Variants in LINGO2 observed in about 807,000 individuals in gnomAD.
LINGO2 encodes leucine-rich repeat and immunoglobulin-like domain-containing nogo receptor-interacting protein 2.
Under a neutral mutation model 30.6 loss-of-function variants are expected in LINGO2, and 14 were observed. That is an observed-to-expected ratio of 0.46 (90% CI 0.30 to 0.72). The LOEUF (loss-of-function observed/expected upper bound fraction) is 0.72. Ranked by LOEUF, LINGO2 falls within the 30% of genes least tolerant of loss-of-function variation. The probability of loss-of-function intolerance (pLI) is 0.07; values close to 1 mark genes in which losing one functional copy is unlikely to be tolerated. For synonymous variants in LINGO2, 317 were observed against 288.5 expected (o/e 1.10, Z -1.00); for missense variants, 729 against 751.7 (o/e 0.97, Z 0.35).
the LINGO2 span, among the ~76,000 whole-genome samples, chr9:28,757,809 C>T: frequency 1.3e-5 from 2 of 152,086 alleles, no homozygotes; most frequent in African/African-American, 2.4e-5. Flanking sequence ...GAGGCCACAA[C>T]CTCCCAAGAC....
intron 4 of LINGO2, among the ~76,000 whole-genome samples, chr9:28,185,396 T>C (rs1819506206): frequency 6.6e-6 from 1 of 152,156 alleles, no homozygotes; most frequent in Admixed American, 6.6e-5. Context: ...TCCTAGAATA[T>C]TCATTCTGCA....
At chr9:28,134,641 A>C (rs1827466689) in intron 4 of LINGO2, among the ~76,000 whole-genome samples, 1 of 152,212 alleles carries the variant, frequency 6.6e-6, no homozygotes, top group African/African-American at 2.4e-5. Flanking sequence ...GTGAAAGTTA[A>C]AGCTGCTGCT....
chr9:29,142,472 A>G, the LINGO2 span, among the ~76,000 whole-genome samples: 2 of 151,838 alleles, frequency 1.3e-5, no homozygotes, highest in African/African-American at 4.8e-5. Flanking sequence ...CTAAATAAAC[A>G]ACTTAACTTT....
chr9:29,047,051 A>AAAAAAAAAC, the LINGO2 span, among the ~76,000 whole-genome samples: 24 of 106,976 alleles, frequency 2.2e-4, 1 homozygote, highest in Non-Finnish European at 3.6e-4. Flanking sequence ...AAAAAAAAAA[A>AAAAAAAAAC]CCAAAAACAA....
At chr9:28,680,535 A>G in the LINGO2 span, among the ~76,000 whole-genome samples, 1 of 152,168 alleles carries the variant, frequency 6.6e-6, no homozygotes, top group Non-Finnish European at 1.5e-5. Flanking sequence ...ATAAACCATC[A>G]TACTGTATTC....
At chr9:29,053,731 T>C in the LINGO2 span, among the ~76,000 whole-genome samples, 7 of 152,284 alleles carry the variant, frequency 4.6e-5, no homozygotes, top group Middle Eastern at 3.4e-3. Context: ...TTGGTTTTCA[T>C]TTTTGTCAAT....
At chr9:28,857,495 G>T in the LINGO2 span, among the ~76,000 whole-genome samples, 10 of 152,144 alleles carry the variant, frequency 6.6e-5, 1 homozygote, top group East Asian at 1.9e-3. Flanking sequence ...TTAAGTGGTA[G>T]AACTCCGCCT....
chr9:28,073,690 C>A (rs1417472104), intron 4 of LINGO2, among the ~76,000 whole-genome samples: 1 of 152,166 alleles, frequency 6.6e-6, no homozygotes, highest in Non-Finnish European at 1.5e-5. Flanking sequence ...ATTTCTTTAT[C>A]TCTGAGTTTT....
In LINGO2 at chr9:28,292,885, C is replaced by G. The variant is rs142439949; in HGVS notation, c.-87+2323G>C. Among the ~76,000 whole-genome samples, 433 of 152,120 alleles carry G rather than the reference C, an allele frequency of 2.8e-3. 3 individuals are homozygous for G. Among genetic ancestry groups the G allele is most frequent in the African/African-American group, 0.01 (415 of 41,488 alleles). On this transcript the variant is annotated intron_variant, in intron 4 of 5. Coordinates refer to ENST00000379992, the Ensembl canonical transcript of LINGO2. ...TCCCGGGTTCATGCCATTCTCCTGTCTCAGCCTCCTGAGTAGCTGGGACTA... is the reference window on the plus strand; with the variant it reads ...TCCCGGGTTCATGCCATTCTCCTGTGTCAGCCTCCTGAGTAGCTGGGACTA...
chr9:29,125,094 G>A, the LINGO2 span, among the ~76,000 whole-genome samples: 1 of 152,100 alleles, frequency 6.6e-6, no homozygotes, highest in Admixed American at 6.6e-5. Context: ...AAAAGAATGA[G>A]TTCATGTCTT....
At chr9:28,640,588 A>G (rs1827524931) in intron 1 of LINGO2, among the ~76,000 whole-genome samples, 1 of 148,954 alleles carries the variant, frequency 6.7e-6, no homozygotes. Flanking sequence ...ATCTTCCATC[A>G]TTGATACCCT....
At chr9:28,104,100 C>T (rs1048173388) in intron 4 of LINGO2, among the ~76,000 whole-genome samples, 1 of 151,910 alleles carries the variant, frequency 6.6e-6, no homozygotes, top group African/African-American at 2.4e-5. Flanking sequence ...GCATCCAGCA[C>T]ATATTATGTA....
chr9:28,824,942 C>A, the LINGO2 span, among the ~76,000 whole-genome samples: 1 of 152,040 alleles, frequency 6.6e-6, no homozygotes, highest in Non-Finnish European at 1.5e-5. Context: ...AAAATAAAAT[C>A]TTCTTAATGA....
chr9:28,136,803 G>C (rs1215266175), intron 4 of LINGO2, among the ~76,000 whole-genome samples: 1 of 152,124 alleles, frequency 6.6e-6, no homozygotes, highest in Non-Finnish European at 1.5e-5. Flanking sequence ...GGGTGTGTTC[G>C]TGAGGGTGTT....
At chr9:28,516,995 G>C (rs1350263071) in intron 1 of LINGO2, among the ~76,000 whole-genome samples, 2 of 152,152 alleles carry the variant, frequency 1.3e-5, no homozygotes, top group Non-Finnish European at 2.9e-5. Context: ...TGGATCTGTG[G>C]CAATACATAC....
chr9:28,374,245 G>A lies in LINGO2; in HGVS notation c.-278-1377C>T, dbSNP rs963971498. Among the ~76,000 whole-genome samples, 4 of 146,680 alleles carry A rather than the reference G, an allele frequency of 2.7e-5. No individual in the cohort carries two copies. In the South Asian group the frequency reaches 6.6e-4, roughly 24 times the overall value. ...ATATATATATATGTAATATCCAATT[G>A]TGCATAGAAACAAATCTAAAGGAGT... is the stretch of plus-strand genomic sequence containing the variant. On this transcript the variant is annotated intron_variant, in intron 2 of 5. Transcript: ENST00000379992.
chr9:28,337,886 C>T (rs1480837811), intron 3 of LINGO2, among the ~76,000 whole-genome samples: 6 of 152,114 alleles, frequency 3.9e-5, no homozygotes, highest in Non-Finnish European at 7.4e-5. Flanking sequence ...CCTCATGGAG[C>T]ACCTCTGTTA....
At chr9:28,016,484 G>A (rs73643231) in intron 4 of LINGO2, among the ~76,000 whole-genome samples, 196 of 151,960 alleles carry the variant, frequency 1.3e-3, no homozygotes, top group African/African-American at 4.2e-3. Context: ...AATCAGAGTC[G>A]GAAGTTCTTA....
At chr9:29,120,121 G>A in the LINGO2 span, among the ~76,000 whole-genome samples, 2 of 152,100 alleles carry the variant, frequency 1.3e-5, no homozygotes, top group East Asian at 1.9e-4. Context: ...TATTTTGAAG[G>A]AGATTTGAGA....
Sources: gnomAD v4.1 joint callset for allele counts (sites outside exome capture counted in the v4.1 genomes callset) on GRCh38, gnomAD v4.1.1 for gene constraint, MANE v1.5 for transcripts, NCBI Gene and HGNC (gene_info 2026-07-23, HGNC 2026-07-21) for gene names.